Variants in CLOCK observed in about 807,000 individuals in gnomAD.
CLOCK encodes the protein circadian locomoter output cycles protein kaput.
Under a neutral mutation model 118.4 loss-of-function variants are expected in CLOCK, and 43 were observed. That is an observed-to-expected ratio of 0.36 (90% CI 0.28 to 0.47). CLOCK has a LOEUF of 0.47. Among genes scored for constraint, CLOCK ranks in the 20% least tolerant of loss-of-function variants. The pLI is 1.00. For synonymous variants in CLOCK, 326 were observed against 339.2 expected (o/e 0.96, Z 0.43); for missense variants, 846 against 999.9 (o/e 0.85, Z 2.08).
chr4:55,454,866 C>T (rs1363744206), intron 13 of CLOCK, among the ~76,000 whole-genome samples: 1 of 148,706 alleles, frequency 6.7e-6, no homozygotes, highest in Non-Finnish European at 1.5e-5. Flanking sequence ...CCCCCAACCC[C>T]GCCGCCACCG....
intron 19 of CLOCK, among the ~76,000 whole-genome samples, chr4:55,444,348 A>G (rs1577683189): frequency 6.6e-6 from 1 of 152,198 alleles, no homozygotes; most frequent in Admixed American, 6.5e-5. Context: ...CTAAAACTTT[A>G]TGTAAAATAT....
intron 2 of CLOCK, among the ~76,000 whole-genome samples, chr4:55,492,183 T>C (rs1727745799): frequency 6.6e-6 from 1 of 152,090 alleles, no homozygotes; most frequent in Admixed American, 6.6e-5. Context: ...ATTAAAAGGA[T>C]TATACCACAT....
At chr4:55,450,913 G>A (rs913228796) in intron 15 of CLOCK, among the ~76,000 whole-genome samples, 5 of 152,064 alleles carry the variant, frequency 3.3e-5, no homozygotes, top group African/African-American at 1.2e-4. Flanking sequence ...GAAGAGAATT[G>A]CTTAAGCCCA....
intron 2 of CLOCK, among the ~76,000 whole-genome samples, chr4:55,493,955 T>C (rs1032847564): frequency 6.6e-6 from 1 of 152,186 alleles, no homozygotes; most frequent in African/African-American, 2.4e-5. Flanking sequence ...AACTAAAAAA[T>C]TAATACAGTT....
At chr4:55,453,601 T>A in intron 14 of CLOCK, 76 bp downstream of exon 14, 3 of 1,274,456 alleles carry the variant, frequency 2.4e-6, no homozygotes, top group Non-Finnish European at 3.4e-6. Context: ...TTTAACAACT[T>A]ACGCATAAAA....
chr4:55,444,764 C>T lies in CLOCK; in HGVS notation c.1561G>A (p.Gly521Arg), dbSNP rs1301971877. ...MSQFQFSAQLGAMQHLKDQLE... is the reference protein window; with the variant it reads ...MSQFQFSAQLRAMQHLKDQLE... ...TGGTCTTTCAGATGTTGCATGGCTCCTAATTGAGCTGAAAACTGAAACTGA... is the reference window on the plus strand; with the variant it reads ...TGGTCTTTCAGATGTTGCATGGCTCTTAATTGAGCTGAAAACTGAAACTGA... Residue 521 changes from glycine to arginine, a missense_variant, in exon 19 of 23, where the codon GGA becomes AGA. This residue lies in a region of CLOCK where 520 missense variants were observed against 558.0 expected (regional missense o/e 0.93). Transcript: ENST00000513440. The T allele has an allele frequency of 6.2e-7, 1 of 1,613,934 alleles. No homozygotes were observed. The highest frequency in any genetic ancestry group is 8.5e-7 in the Non-Finnish European group (1 of 1,179,976).
chr4:55,458,818 G>A (rs1055600091), intron 11 of CLOCK, 74 bp downstream of exon 11: 7 of 994,462 alleles, frequency 7.0e-6, no homozygotes, highest in Non-Finnish European at 1.1e-5. Flanking sequence ...CCACCTCAAT[G>A]TCTGCAGGAA....
At chr4:55,510,565 TC>T (rs1047612314) in intron 1 of CLOCK, among the ~76,000 whole-genome samples, 10 of 147,350 alleles carry the variant, frequency 6.8e-5, no homozygotes, top group African/African-American at 2.3e-4. Flanking sequence ...AGATGGAGGT[TC>T]CAGTGAGCCG....
chr4:55,525,972 A>T (rs1307645252), intron 1 of CLOCK, among the ~76,000 whole-genome samples: 1 of 152,220 alleles, frequency 6.6e-6, no homozygotes, highest in East Asian at 1.9e-4. Context: ...ACAAAAATCC[A>T]GAATCTGAAA....
intron 1 of CLOCK, among the ~76,000 whole-genome samples, chr4:55,515,931 A>T (rs1489636665): frequency 6.6e-6 from 1 of 151,842 alleles, no homozygotes; most frequent in Non-Finnish European, 1.5e-5. Context: ...TGTGGCAAAA[A>T]AAGATGAAAA....
chr4:55,521,935 A>C (rs1577848569), intron 1 of CLOCK, among the ~76,000 whole-genome samples: 2 of 152,356 alleles, frequency 1.3e-5, no homozygotes, highest in East Asian at 3.9e-4. Context: ...CAAATAATCA[A>C]GCCTTATAAT....
At chr4:55,476,339 T>C (rs1339460699) in intron 6 of CLOCK, among the ~76,000 whole-genome samples, 1 of 152,172 alleles carries the variant, frequency 6.6e-6, no homozygotes, top group African/African-American at 2.4e-5. Flanking sequence ...TGCTTCCTAT[T>C]TGACACAATG....
intron 1 of CLOCK, among the ~76,000 whole-genome samples, chr4:55,530,408 C>T (rs1730460118): frequency 6.6e-6 from 1 of 152,016 alleles, no homozygotes. Flanking sequence ...TGACCCAGGC[C>T]AAAGCTATTT....
intron 19 of CLOCK, 141 bp downstream of exon 19, chr4:55,444,492 G>A: frequency 1.1e-6 from 1 of 948,268 alleles, no homozygotes; most frequent in South Asian, 1.4e-5. Flanking sequence ...ATCATACTGA[G>A]TAGGTAACCA....
chr4:55,470,469 G>A (rs1726056268), intron 8 of CLOCK, among the ~76,000 whole-genome samples: 1 of 152,128 alleles, frequency 6.6e-6, no homozygotes, highest in Non-Finnish European at 1.5e-5. Flanking sequence ...TTCACACAGT[G>A]ACAAAAGTGC....
chr4:55,490,417 CAGG>C (rs1435425256), intron 2 of CLOCK, among the ~76,000 whole-genome samples: 1 of 151,984 alleles, frequency 6.6e-6, no homozygotes. Context: ...ACAATAGTAG[CAGG>C]AGATGTCAAT....
At chr4:55,449,837 C>A (rs1173934217) in intron 16 of CLOCK, among the ~76,000 whole-genome samples, 1 of 152,080 alleles carries the variant, frequency 6.6e-6, no homozygotes, top group Non-Finnish European at 1.5e-5. Flanking sequence ...AAATAGTTGC[C>A]TTTCTTTTTG....
chr4:55,445,262 TTTTACATACACCTG>T, intron 18 of CLOCK, among the ~76,000 whole-genome samples: 1 of 151,658 alleles, frequency 6.6e-6, no homozygotes, highest in African/African-American at 2.4e-5. Context: ...CATTTCTCAC[TTTTACATACACCTG>T]CCCCGGCAGG....
intron 21 of CLOCK, among the ~76,000 whole-genome samples, chr4:55,441,484 T>C (rs971295457): frequency 6.6e-6 from 1 of 152,114 alleles, no homozygotes; most frequent in Non-Finnish European, 1.5e-5. Context: ...TCAACCTAAG[T>C]GCCCATCAAC....
Sources: gnomAD v4.1 joint callset for allele counts (sites outside exome capture counted in the v4.1 genomes callset) on GRCh38, gnomAD v4.1.1 for gene constraint, gnomAD v4.1.1 regional missense constraint, MANE v1.5 for transcripts, NCBI Gene and HGNC (gene_info 2026-07-23, HGNC 2026-07-21) for gene names.